The following WWOX variants were observed in gnomAD, a reference collection of about 807,000 sequenced individuals.
The protein encoded by WWOX is WW domain containing oxidoreductase, also known as WW domain-containing oxidoreductase.
Under a neutral mutation model 46.2 loss-of-function variants are expected in WWOX, and 69 were observed. The ratio of observed to expected loss-of-function variants is 1.49; its 90% CI spans 1.23 to 1.82. The LOEUF is 1.82. Among genes scored for constraint, WWOX ranks in the 40% most tolerant of loss-of-function variants. WWOX has a pLI of 0.00. For missense variants in WWOX, 919 were observed against 542.6 expected (o/e 1.69, Z -6.89); for synonymous variants, 359 against 202.6 (o/e 1.77, Z -6.56).
chr16:79,145,972 A>G (rs2050175974), intron 8 of WWOX, among the ~76,000 whole-genome samples: 1 of 152,228 alleles, frequency 6.6e-6, no homozygotes, highest in South Asian at 2.1e-4. Flanking sequence ...ACCATAAAAT[A>G]TCAGCTAAAA....
In WWOX at chr16:78,725,932, C is replaced by T. The variant is rs115237045; in HGVS notation, c.1056+293180C>T. On this transcript the variant is annotated intron_variant, in intron 8 of 8. Coordinates refer to ENST00000566780, the MANE Select transcript of WWOX (RefSeq NM_016373.4). ...CCTTTTCTTCTCTTTTTTCTCCTTTCCTTTTCTTTCCTCTTCCCTTTTCCT... is the reference window on the plus strand; with the variant it reads ...CCTTTTCTTCTCTTTTTTCTCCTTTTCTTTTCTTTCCTCTTCCCTTTTCCT... Among the ~76,000 whole-genome samples the T allele has an allele frequency of 6.9e-3, 1,046 of 151,880 alleles. 14 individuals are homozygous for T. Among genetic ancestry groups the T allele is most frequent in the African/African-American group, 0.024 (1,009 of 41,436 alleles).
At chr16:78,453,834 T>A (rs1450373045) in intron 8 of WWOX, among the ~76,000 whole-genome samples, 2 of 103,482 alleles carry the variant, frequency 1.9e-5, no homozygotes, top group African/African-American at 1.3e-4. Context: ...CCAAAACCAT[T>A]TTTTTTTATT....
chr16:78,142,309 A>G (rs948784485), intron 4 of WWOX, among the ~76,000 whole-genome samples: 3 of 152,218 alleles, frequency 2.0e-5, no homozygotes, highest in Admixed American at 1.3e-4. Context: ...TTATGTAATG[A>G]AAAACTAATG....
chr16:78,661,077 T>C (rs936094745), intron 8 of WWOX, among the ~76,000 whole-genome samples: 1 of 152,152 alleles, frequency 6.6e-6, no homozygotes, highest in African/African-American at 2.4e-5. Flanking sequence ...AGCAAGGATA[T>C]TGGGAGGGAG....
At chr16:78,556,359 A>G (rs1004759334) in intron 8 of WWOX, among the ~76,000 whole-genome samples, 8 of 152,056 alleles carry the variant, frequency 5.3e-5, no homozygotes, top group African/African-American at 1.7e-4. Context: ...GGTTCAAGGA[A>G]GGCAAAGGGA....
chr16:78,578,537 C>G (rs888714238), intron 8 of WWOX, among the ~76,000 whole-genome samples: 27 of 151,706 alleles, frequency 1.8e-4, no homozygotes, highest in African/African-American at 5.8e-4. Context: ...ATTCACCTGC[C>G]TTGGCCTCCC....
At chr16:79,001,365 T>C (rs902185221) in intron 8 of WWOX, among the ~76,000 whole-genome samples, 3 of 152,214 alleles carry the variant, frequency 2.0e-5, no homozygotes, top group Middle Eastern at 3.4e-3. Flanking sequence ...GGGATGCTGT[T>C]GAGTTTCTTC....
At chr16:78,991,511 A>G (rs1245717559) in intron 8 of WWOX, among the ~76,000 whole-genome samples, 1 of 147,722 alleles carries the variant, frequency 6.8e-6, no homozygotes, top group Non-Finnish European at 1.5e-5. Context: ...TGAGATGGGA[A>G]GATGGCTTGA....
chr16:78,282,318 T>C (rs1709583685), intron 5 of WWOX, among the ~76,000 whole-genome samples: 1 of 152,204 alleles, frequency 6.6e-6, no homozygotes, highest in South Asian at 2.1e-4. Context: ...AATTTTATTT[T>C]TGCATGTTTC....
chr16:78,612,428 A>C (rs1041518442), intron 8 of WWOX, among the ~76,000 whole-genome samples: 4 of 152,198 alleles, frequency 2.6e-5, no homozygotes, highest in Non-Finnish European at 4.4e-5. Context: ...TCTGGGGCCC[A>C]GCCTTTTCTC....
chr16:78,649,212 G>A (rs1027287089), intron 8 of WWOX, among the ~76,000 whole-genome samples: 1 of 152,022 alleles, frequency 6.6e-6, no homozygotes, highest in African/African-American at 2.4e-5. Flanking sequence ...CTCAAACTCT[G>A]GACCTCAAAT....
chr16:78,548,179 T>TA (rs1555560965), intron 8 of WWOX, among the ~76,000 whole-genome samples: 1 of 119,414 alleles, frequency 8.4e-6, no homozygotes, highest in Non-Finnish European at 1.7e-5. Context: ...AAAAAAAAAA[T>TA]TACGAATTTT....
At chr16:78,827,750 A>T (rs758986136) in intron 8 of WWOX, among the ~76,000 whole-genome samples, 5 of 151,914 alleles carry the variant, frequency 3.3e-5, no homozygotes, top group Admixed American at 1.3e-4. Context: ...CTAAGGCAGG[A>T]GAATCACTTG....
intron 8 of WWOX, among the ~76,000 whole-genome samples, chr16:78,882,947 C>A (rs1018449934): frequency 6.6e-6 from 1 of 152,050 alleles, no homozygotes; most frequent in South Asian, 2.1e-4. Flanking sequence ...CCAGCGATGT[C>A]GTAGGCTGAG....
chr16:79,015,948 G>A (rs1318277341), intron 8 of WWOX, among the ~76,000 whole-genome samples: 1 of 152,038 alleles, frequency 6.6e-6, no homozygotes, highest in Non-Finnish European at 1.5e-5. Flanking sequence ...ACAGGATTTC[G>A]CCATGTTGGC....
intron 8 of WWOX, among the ~76,000 whole-genome samples, chr16:79,162,540 T>C (rs2050507298): frequency 6.6e-6 from 1 of 152,106 alleles, no homozygotes; most frequent in Non-Finnish European, 1.5e-5. Flanking sequence ...CTCAGTTACC[T>C]CTAGCCCTGA....
chr16:78,859,301 C>A (rs1031217522), intron 8 of WWOX, among the ~76,000 whole-genome samples: 1 of 151,492 alleles, frequency 6.6e-6, no homozygotes, highest in African/African-American at 2.4e-5. Context: ...ATTGATTTTT[C>A]CCCCCTGCTG....
At chr16:78,935,008 C>T (rs1352465787) in intron 8 of WWOX, among the ~76,000 whole-genome samples, 2 of 152,178 alleles carry the variant, frequency 1.3e-5, no homozygotes, top group African/African-American at 2.4e-5. Context: ...AAAAAATGCT[C>T]ATCATCACTG....
At chr16:78,752,920 A>T (rs1476075568) in intron 8 of WWOX, among the ~76,000 whole-genome samples, 1 of 152,210 alleles carries the variant, frequency 6.6e-6, no homozygotes, top group African/African-American at 2.4e-5. Context: ...CAGCAACGGC[A>T]CACTCCAGCT....
Sources: gnomAD v4.1 joint callset for allele counts (sites outside exome capture counted in the v4.1 genomes callset) on GRCh38, gnomAD v4.1.1 for gene constraint, MANE v1.5 for transcripts, NCBI Gene and HGNC (gene_info 2026-07-23, HGNC 2026-07-21) for gene names.